CPED1: variants seen among roughly 807,000 people sequenced by gnomAD.
The protein encoded by CPED1 is cadherin-like and PC-esterase domain-containing protein 1.
In CPED1, 114 loss-of-function variants were observed where a neutral mutation model predicts 128.2. That is an observed-to-expected ratio of 0.89 (90% CI 0.76 to 1.04). CPED1 has a LOEUF of 1.04. Among genes scored for constraint, CPED1 ranks in the 50% least tolerant of loss-of-function variants. The pLI, the probability that CPED1 is intolerant of heterozygous loss-of-function variation, is 0.00. For synonymous variants in CPED1, 462 were observed against 426.7 expected (o/e 1.08, Z -1.02); for missense variants, 1,211 against 1,207.1 (o/e 1.00, Z -0.05).
chr7:121,290,608 T>C (rs1792678984), intron 22 of CPED1, among the ~76,000 whole-genome samples: 1 of 152,248 alleles, frequency 6.6e-6, no homozygotes, highest in Non-Finnish European at 1.5e-5. Flanking sequence ...ATGTCTTCTT[T>C]TGAGAAGTGT....
Position 120,989,524 on chromosome 7 carries a change from G to T in CPED1, c.-98G>T, listed in dbSNP as rs1796273714. The stretch of plus-strand genomic sequence containing the variant: ...TGAAGCAAACTTGATTGGAGTTGGG[G>T]AAAAAGAAGACAGATTAGTATTTTT... On this transcript the variant is annotated 5_prime_UTR_variant, in exon 2 of 23. Coordinates refer to ENST00000310396, the MANE Select transcript of CPED1 (RefSeq NM_024913.5). 4.7e-6 allele frequency: 7 copies of T among 1,476,518 alleles called. No individual in the cohort carries two copies. The East Asian group carries it at 1.6e-4, about 34-fold the overall frequency. 91.5% of individuals were successfully genotyped at this position (1,476,518 alleles called of 1,614,324 possible). A position where few individuals can be genotyped will look rare whatever the true frequency, so the allele number is the denominator to read the frequency against.
rs755895749 is a variant in CPED1 at position 121,015,726 on chromosome 7, C to T, written c.311C>T (p.Pro104Leu). 1.9e-6 allele frequency: 3 copies of T among 1,611,814 alleles called. No individual in the cohort carries two copies. The East Asian group carries it at 6.7e-5, about 36-fold the overall frequency. Residue 104 changes from proline (P) to leucine (L), a missense_variant, in exon 3 of 23, where the codon CCT (proline) becomes CTT (leucine). Transcript: ENST00000310396. Reference sequence around the variant, plus strand: ...GGCCGAAGGGCCATACTCTACAGGCCTCCTTTCTACAGCAAAACAGAGCTT... The same window carrying T: ...GGCCGAAGGGCCATACTCTACAGGCTTCCTTTCTACAGCAAAACAGAGCTT... ...SHGRRAILYR[P>L]PFYSKTELQL... is the part of the protein sequence containing the mutation.
At chr7:121,193,850 AG>A (rs1250170546) in intron 16 of CPED1, among the ~76,000 whole-genome samples, 5 of 151,808 alleles carry the variant, frequency 3.3e-5, no homozygotes, top group Non-Finnish European at 5.9e-5. Flanking sequence ...CTCAGGTGTA[AG>A]ATTAAGACAT....
At chr7:121,092,106 T>C (rs1794585188) in intron 5 of CPED1, among the ~76,000 whole-genome samples, 1 of 152,178 alleles carries the variant, frequency 6.6e-6, no homozygotes, top group Non-Finnish European at 1.5e-5. Context: ...GGGGCTTTGC[T>C]GATATTAGGC....
intron 18 of CPED1, among the ~76,000 whole-genome samples, chr7:121,246,792 A>G (rs1419023844): frequency 6.6e-6 from 1 of 152,182 alleles, no homozygotes; most frequent in African/African-American, 2.4e-5. Flanking sequence ...CCTGTTAATG[A>G]GAGAGGGTAT....
intron 3 of CPED1, among the ~76,000 whole-genome samples, chr7:121,037,864 G>A (rs372845533): frequency 6.6e-6 from 1 of 151,952 alleles, no homozygotes; most frequent in Admixed American, 6.6e-5. Context: ...CCTTGATTAG[G>A]TATATCCCTG....
chr7:121,243,008 CT>C (rs1798438107), intron 17 of CPED1, among the ~76,000 whole-genome samples: 1 of 152,202 alleles, frequency 6.6e-6, no homozygotes, highest in Admixed American at 6.5e-5. Context: ...CTATATTCAT[CT>C]CCTAAAAACA....
intron 5 of CPED1, among the ~76,000 whole-genome samples, chr7:121,094,421 A>G (rs747194465): frequency 6.6e-6 from 1 of 152,216 alleles, no homozygotes; most frequent in Non-Finnish European, 1.5e-5. Context: ...TGTGGTGTAT[A>G]TACTCATATG....
intron 3 of CPED1, among the ~76,000 whole-genome samples, chr7:121,030,602 C>T (rs1792704583): frequency 6.6e-6 from 1 of 152,172 alleles, no homozygotes; most frequent in South Asian, 2.1e-4. Context: ...TTACTCAAGT[C>T]ATCCTTATTT....
At chr7:121,275,242 G>A (rs115517112) in intron 22 of CPED1, among the ~76,000 whole-genome samples, 302 of 152,184 alleles carry the variant, frequency 2.0e-3, no homozygotes, top group African/African-American at 6.6e-3. Context: ...TCTTTCATCC[G>A]TCAAGGCACC....
intron 3 of CPED1, among the ~76,000 whole-genome samples, chr7:121,019,557 A>G (rs1792384976): frequency 6.6e-6 from 1 of 152,024 alleles, no homozygotes; most frequent in Non-Finnish European, 1.5e-5. Flanking sequence ...TTTTAGAGTT[A>G]ATTTTGGGAA....
chr7:121,139,023 G>A (rs1795843790), intron 14 of CPED1, among the ~76,000 whole-genome samples: 1 of 151,704 alleles, frequency 6.6e-6, no homozygotes, highest in South Asian at 2.1e-4. Flanking sequence ...AAAAACTGTG[G>A]TCCTTTACAG....
At chr7:121,128,685 A>G (rs1795571578) in intron 11 of CPED1, among the ~76,000 whole-genome samples, 199 bp downstream of exon 11, 1 of 152,190 alleles carries the variant, frequency 6.6e-6, no homozygotes, top group African/African-American at 2.4e-5. Context: ...GTTTGCAAAC[A>G]ATATGTGACT....
At chr7:121,159,736 C>G (rs1029171456) in intron 16 of CPED1, among the ~76,000 whole-genome samples, 1 of 152,096 alleles carries the variant, frequency 6.6e-6, no homozygotes, top group Non-Finnish European at 1.5e-5. Context: ...GTATATTACT[C>G]TTGTCTCTCT....
chr7:121,104,445 A>G (rs1188577997), intron 7 of CPED1, among the ~76,000 whole-genome samples: 1 of 152,188 alleles, frequency 6.6e-6, no homozygotes, highest in East Asian at 1.9e-4. Flanking sequence ...GTTGTAAATC[A>G]CAAAATAAGT....
chr7:121,057,144 A>AT (rs932239832), intron 4 of CPED1, among the ~76,000 whole-genome samples: 3 of 151,868 alleles, frequency 2.0e-5, no homozygotes, highest in East Asian at 1.9e-4. Context: ...GACTCAGCTA[A>AT]TTTTTTTGTA....
chr7:121,038,564 G>C (rs568956024), intron 3 of CPED1, among the ~76,000 whole-genome samples: 2 of 151,958 alleles, frequency 1.3e-5, no homozygotes, highest in African/African-American at 4.8e-5. Context: ...TCATCATCTT[G>C]TTTCTTCTGG....
chr7:121,153,448 C>G (rs996724514), intron 16 of CPED1, among the ~76,000 whole-genome samples: 1 of 152,168 alleles, frequency 6.6e-6, no homozygotes, highest in African/African-American at 2.4e-5. Flanking sequence ...CATTTAGATG[C>G]ATTGCATCTG....
At chr7:121,295,377 T>C (rs1226430155) in intron 22 of CPED1, 63 bp from the exon 23 acceptor site, 16 of 1,525,368 alleles carry the variant, frequency 1.0e-5, no homozygotes, top group Non-Finnish European at 1.2e-5. Context: ...GTTTGAGAGT[T>C]AGTTATGCAG....
Sources: gnomAD v4.1 joint callset for allele counts (sites outside exome capture counted in the v4.1 genomes callset) on GRCh38, gnomAD v4.1.1 for gene constraint, MANE v1.5 for transcripts, NCBI Gene and HGNC (gene_info 2026-07-23, HGNC 2026-07-21) for gene names.